GBE1: variants seen among roughly 807,000 people sequenced by gnomAD.
GBE1 encodes the protein 1,4-alpha-glucan-branching enzyme.
In GBE1, 70 loss-of-function variants were observed where a neutral mutation model predicts 88.8. The ratio of observed to expected loss-of-function variants is 0.79; its 90% CI spans 0.65 to 0.96. GBE1 has a LOEUF of 0.96. Ranked by LOEUF, GBE1 falls within the 40% of genes least tolerant of loss-of-function variation. The pLI, the probability that GBE1 is intolerant of heterozygous loss-of-function variation, is 0.00. For synonymous variants in GBE1, 284 were observed against 300.1 expected, an observed-to-expected ratio of 0.95 and a Z score of 0.56; for missense variants, 872 against 871.0, an observed-to-expected ratio of 1.00 and a Z score of -0.01.
At position 81,704,853 on chromosome 3, in the gene GBE1, C is replaced by G. The variant is rs116577072; in HGVS notation, c.313+591G>C. 9.1e-3 allele frequency among the ~76,000 whole-genome samples: 1,387 copies of G among 152,146 alleles called. 22 individuals carry two copies. The highest frequency in any genetic ancestry group is 0.031 in the African/African-American group (1,300 of 41,532). Reference sequence around the variant, plus strand: ...CTCCCACCAGACTCTAAGCTAGAAACCTGACTTTGCTTTCCATAGCGTTAA... The same window carrying G: ...CTCCCACCAGACTCTAAGCTAGAAAGCTGACTTTGCTTTCCATAGCGTTAA... On this transcript the variant is annotated intron_variant, in intron 2 of 15. Transcript: ENST00000429644.
At chr3:81,629,018 G>GTTTT (rs34707682) in intron 7 of GBE1, among the ~76,000 whole-genome samples, 2,737 of 97,376 alleles carry the variant, frequency 0.028, 55 homozygotes, top group African/African-American at 0.059. Context: ...TTATGTTTAA[G>GTTTT]TTTTTTTTTT....
chr3:81,542,342 T>C (rs1703153915), intron 12 of GBE1, among the ~76,000 whole-genome samples: 1 of 152,086 alleles, frequency 6.6e-6, no homozygotes, highest in Non-Finnish European at 1.5e-5. Flanking sequence ...ATATGTATCT[T>C]TGTACACCTG....
At chr3:81,527,436 T>C (rs955177273) in intron 14 of GBE1, among the ~76,000 whole-genome samples, 5 of 151,910 alleles carry the variant, frequency 3.3e-5, no homozygotes, top group East Asian at 1.9e-4. Flanking sequence ...AACAGGCAAC[T>C]TACAGAATGG....
At chr3:81,663,706 G>A (rs746588723) in intron 3 of GBE1, among the ~76,000 whole-genome samples, 4 of 152,114 alleles carry the variant, frequency 2.6e-5, no homozygotes, top group Admixed American at 6.5e-5. Flanking sequence ...AAAAGCACAC[G>A]GTAGCACACG....
At chr3:81,630,212 G>C (rs1704487541) in intron 7 of GBE1, among the ~76,000 whole-genome samples, 1 of 152,090 alleles carries the variant, frequency 6.6e-6, no homozygotes, top group South Asian at 2.1e-4. Context: ...ACTTACAAAA[G>C]GATGTGAAGG....
intron 2 of GBE1, among the ~76,000 whole-genome samples, chr3:81,684,355 G>A (rs989714132): frequency 1.3e-5 from 2 of 152,174 alleles, no homozygotes; most frequent in Admixed American, 1.3e-4. Flanking sequence ...CACAGACTGG[G>A]TCACTTAAAC....
In GBE1 at chr3:81,761,563, G is replaced by A. The variant is rs1352893898; in HGVS notation, c.-46C>T. The stretch of plus-strand genomic sequence containing the variant: ...GCCGAGGCCCGAGAGGTCGAGTGGG[G>A]CCTGAGCGGGCGCTGGAGCTCTAGC... On this transcript the variant is annotated 5_prime_UTR_variant, in exon 1 of 16. Transcript: ENST00000429644. 1.3e-6 allele frequency: 2 copies of A among 1,564,904 alleles called. No individual in the cohort carries two copies. The highest frequency in any genetic ancestry group is 8.6e-7 in the Non-Finnish European group (1 of 1,158,062).
In GBE1 at chr3:81,750,601, GTGTATATATA is replaced by G. The variant is rs1706498533; in HGVS notation, c.143+10764_143+10773del. ...CGTATATATATACGTATATATATAT[GTGTATATATA>G]TATATGTATATATATATACGTATAT... On this transcript the variant is annotated intron_variant, in intron 1 of 15. Transcript: ENST00000429644. 2.2e-4 allele frequency among the ~76,000 whole-genome samples: 8 copies of G among 35,794 alleles called. 1 individual carries two copies. The highest frequency in any genetic ancestry group is 7.0e-4 in the South Asian group (1 of 1,424). The allele number at this position is 35,794 out of a possible 152,430, so 23.5% of individuals were successfully genotyped here.
chr3:81,526,221 G>A (rs372331271), intron 14 of GBE1, among the ~76,000 whole-genome samples: 1 of 151,912 alleles, frequency 6.6e-6, no homozygotes, highest in Non-Finnish European at 1.5e-5. Flanking sequence ...CACAGATTCT[G>A]GTATGTTGTG....
At chr3:81,556,439 A>C (rs968995002) in intron 12 of GBE1, among the ~76,000 whole-genome samples, 1 of 152,086 alleles carries the variant, frequency 6.6e-6, no homozygotes, top group African/African-American at 2.4e-5. Flanking sequence ...TATAAAAAGG[A>C]AACTTTATTT....
chr3:81,678,261 T>A (rs191020443), intron 2 of GBE1, among the ~76,000 whole-genome samples: 1 of 152,026 alleles, frequency 6.6e-6, no homozygotes, highest in African/African-American at 2.4e-5. Context: ...ATTAAAAAGG[T>A]GAAGTCAAAG....
chr3:81,752,211 A>G (rs573024568), intron 1 of GBE1, among the ~76,000 whole-genome samples: 1 of 152,348 alleles, frequency 6.6e-6, no homozygotes, highest in Non-Finnish European at 1.5e-5. Context: ...AGGAAAAAAA[A>G]GAGAAGGCAG....
At chr3:81,541,461 C>CA (rs1396338325) in intron 12 of GBE1, among the ~76,000 whole-genome samples, 1 of 151,338 alleles carries the variant, frequency 6.6e-6, no homozygotes, top group Non-Finnish European at 1.5e-5. Flanking sequence ...CCCCCCCCGC[C>CA]ACCTCGCCCA....
intron 3 of GBE1, among the ~76,000 whole-genome samples, chr3:81,668,494 C>A (rs531383929): frequency 6.6e-6 from 1 of 152,016 alleles, no homozygotes; most frequent in South Asian, 2.1e-4. Context: ...GAGTCAATGA[C>A]AAAATATATG....
At chr3:81,571,398 T>C (rs532122183) in intron 12 of GBE1, among the ~76,000 whole-genome samples, 1 of 152,352 alleles carries the variant, frequency 6.6e-6, no homozygotes, top group South Asian at 2.1e-4. Context: ...TGTTTTATAA[T>C]GACAACACAG....
At chr3:81,522,295 AC>A (rs1396787034) in intron 14 of GBE1, among the ~76,000 whole-genome samples, 9 of 151,592 alleles carry the variant, frequency 5.9e-5, no homozygotes, top group Non-Finnish European at 1.0e-4. Context: ...TTATTAAAAA[AC>A]AATACTGTTT....
intron 12 of GBE1, among the ~76,000 whole-genome samples, chr3:81,538,388 A>C (rs1168638828): frequency 6.6e-6 from 1 of 152,008 alleles, no homozygotes; most frequent in Non-Finnish European, 1.5e-5. Context: ...CATCCAAATA[A>C]ATAGGTGTAT....
intron 1 of GBE1, among the ~76,000 whole-genome samples, chr3:81,713,492 G>C (rs1293925251): frequency 6.6e-6 from 1 of 152,148 alleles, no homozygotes; most frequent in African/African-American, 2.4e-5. Context: ...TAACTGATAT[G>C]ATCAGAGACA....
intron 2 of GBE1, among the ~76,000 whole-genome samples, chr3:81,697,731 C>G (rs140040013): frequency 2.6e-5 from 4 of 152,064 alleles, no homozygotes; most frequent in African/African-American, 7.2e-5. Flanking sequence ...AGGCAGGACC[C>G]TCTCAGGGTA....
Sources: allele counts gnomAD v4.1 joint callset (sites outside exome capture counted in the v4.1 genomes callset), GRCh38; gene constraint gnomAD v4.1.1; transcripts MANE v1.5; gene names NCBI Gene and HGNC (gene_info 2026-07-23, HGNC 2026-07-21).